C8B: variants seen among roughly 807,000 people sequenced by gnomAD.
C8B encodes the protein complement C8 beta chain, also known as complement component C8 beta chain.
In C8B, 67 loss-of-function variants were observed where a neutral mutation model predicts 64.6. That is an observed-to-expected ratio of 1.04 (90% confidence interval 0.85 to 1.27). C8B has a LOEUF of 1.27. C8B is among the 50% of genes most tolerant of loss of function. C8B has a pLI of 0.00. For synonymous variants in C8B, 284 were observed against 257.7 expected (o/e 1.10, Z -0.98); for missense variants, 790 against 725.2 (o/e 1.09, Z -1.03).
chr1:56,955,509 C>G (rs144833659), intron 3 of C8B, among the ~76,000 whole-genome samples: 6 of 152,262 alleles, frequency 3.9e-5, no homozygotes, highest in African/African-American at 1.4e-4. Flanking sequence ...GAGATAAAGC[C>G]CATAAGACAG....
chr1:56,931,142 G>A (rs1006328652), intron 11 of C8B, among the ~76,000 whole-genome samples: 1 of 152,204 alleles, frequency 6.6e-6, no homozygotes, highest in Non-Finnish European at 1.5e-5. Context: ...TCGCTGAAAG[G>A]AATAAAAGTG....
In C8B at chr1:56,942,838, A is replaced by T. The variant is rs139227037; in HGVS notation, c.1234+858T>A. Among the ~76,000 whole-genome samples the T allele has an allele frequency of 3.8e-3, 574 of 152,158 alleles. 3 individuals are homozygous for T. Among genetic ancestry groups the T allele is most frequent in the African/African-American group, 0.014 (561 of 41,526 alleles). On this transcript the variant is annotated intron_variant, in intron 8 of 11. Transcript: ENST00000371237. Reference sequence around the variant, plus strand: ...TAATTCCAGCACTTTGAGGGTACCGAGGCTTGTAGATGGCTTGAGCCCAAG... The same window carrying T: ...TAATTCCAGCACTTTGAGGGTACCGTGGCTTGTAGATGGCTTGAGCCCAAG...
intron 1 of C8B, among the ~76,000 whole-genome samples, chr1:56,963,543 A>G (rs1430925502): frequency 7.2e-6 from 1 of 139,098 alleles, no homozygotes; most frequent in Non-Finnish European, 1.5e-5. Context: ...GAGAAACAGC[A>G]CAGAGGCCAA....
At chr1:56,941,225 A>G (rs551790479) in intron 8 of C8B, among the ~76,000 whole-genome samples, 17 of 152,200 alleles carry the variant, frequency 1.1e-4, no homozygotes, top group Non-Finnish European at 2.5e-4. Flanking sequence ...TGAGGGCAGG[A>G]CAAGAAAAAG....
intron 11 of C8B, among the ~76,000 whole-genome samples, chr1:56,929,928 G>A (rs1370372916): frequency 6.6e-6 from 1 of 152,178 alleles, no homozygotes; most frequent in Admixed American, 6.5e-5. Flanking sequence ...TGAGCATTTT[G>A]TAGCAGTTGT....
In C8B at chr1:56,945,853, A is replaced by G; in HGVS notation, c.1073T>C (p.Leu358Pro). 1 of 1,614,076 alleles carries G rather than the reference A, an allele frequency of 6.2e-7. No homozygotes were observed. The highest frequency in any genetic ancestry group is 8.5e-7 in the Non-Finnish European group (1 of 1,179,994). ...AVLGGIYEYT[L>P]VMNKEAMERG... is the part of the protein sequence containing the mutation. ...CTCCATGGCCTCTTTGTTCATAACG[A>G]GGGTGTATTCATAAATGCCCCCAAG... The change falls in exon 7 of 12, where the codon CTC (leucine) becomes CCC (proline). Residue 358 changes from leucine (L) to proline (P), a missense_variant. Leu to Pro is a moderately conservative substitution (Grantham distance 98). Transcript: ENST00000371237.
chr1:56,929,621 G>T, intron 11 of C8B, 63 bp from the exon 12 acceptor site: 1 of 1,542,480 alleles, frequency 6.5e-7, no homozygotes, highest in East Asian at 2.3e-5. Context: ...CCTTACTGGG[G>T]TTGGGTGAGC....
chr1:56,944,527 A>G (rs1644913769), intron 7 of C8B, among the ~76,000 whole-genome samples: 1 of 152,194 alleles, frequency 6.6e-6, no homozygotes, highest in Non-Finnish European at 1.5e-5. Flanking sequence ...CATGAATCCC[A>G]TGAGATGGTA....
intron 10 of C8B, among the ~76,000 whole-genome samples, chr1:56,932,719 A>G (rs569802438): frequency 6.6e-6 from 1 of 152,270 alleles, no homozygotes; most frequent in African/African-American, 2.4e-5. Flanking sequence ...TCTGCCTGAG[A>G]ATACACCTTC....
chr1:56,933,259 G>A, intron 10 of C8B, 76 bp downstream of exon 10: 1 of 1,222,770 alleles, frequency 8.2e-7, no homozygotes, highest in Non-Finnish European at 1.2e-6. Flanking sequence ...GTAAACAGAA[G>A]CAGGCAAATG....
At chr1:56,934,833 A>G (rs550276876) in intron 9 of C8B, among the ~76,000 whole-genome samples, 3 of 152,292 alleles carry the variant, frequency 2.0e-5, no homozygotes, top group Admixed American at 6.5e-5. Flanking sequence ...AGCTTGCTTT[A>G]CACCAATGAA....
chr1:56,958,821 C>G (rs907593939), intron 2 of C8B, among the ~76,000 whole-genome samples: 2 of 152,202 alleles, frequency 1.3e-5, no homozygotes, highest in African/African-American at 2.4e-5. Flanking sequence ...TTGGCTCTCT[C>G]CATTGATCCA....
intron 9 of C8B, among the ~76,000 whole-genome samples, chr1:56,937,310 A>G (rs1644789179): frequency 6.6e-6 from 1 of 152,182 alleles, no homozygotes. Context: ...AGCCCCCATC[A>G]GCTGGATCTG....
At position 56,946,048 on chromosome 1, in the gene C8B, A is replaced by G. The variant is rs781075590; in HGVS notation, c.878T>C (p.Leu293Pro). The part of the protein sequence containing the change: ...KRFSHTKSVF[L>P]HARSDLEVAH... ...TACTTCAAGGTCAGAGCGTGCATGC[A>G]GAAATACGCTTTTCTAAATGAAATA... Residue 293 changes from leucine (L) to proline (P), a missense_variant, in exon 7 of 12, where the codon CTG becomes CCG. Physicochemically the swap from Leu to Pro is moderately conservative, Grantham distance 98. Coordinates refer to ENST00000371237, the MANE Select transcript of C8B (RefSeq NM_000066.4). The G allele has an allele frequency of 1.2e-5, 19 of 1,614,060 alleles. No homozygotes were observed. The highest frequency in any genetic ancestry group is 6.7e-5 in the African/African-American group (5 of 74,946).
intron 9 of C8B, among the ~76,000 whole-genome samples, chr1:56,939,594 G>T (rs1644821237): frequency 6.6e-6 from 1 of 152,162 alleles, no homozygotes; most frequent in South Asian, 2.1e-4. Flanking sequence ...TGGGCCCTGT[G>T]CAGAAGTCCC....
intron 8 of C8B, among the ~76,000 whole-genome samples, chr1:56,942,543 A>G (rs1221571594): frequency 6.6e-5 from 10 of 152,088 alleles, no homozygotes; most frequent in Non-Finnish European, 1.0e-4. Context: ...TGTCTCTACT[A>G]AAAATACAAA....
intron 6 of C8B, among the ~76,000 whole-genome samples, chr1:56,948,963 A>G (rs564969916): frequency 1.3e-5 from 2 of 152,284 alleles, no homozygotes; most frequent in African/African-American, 4.8e-5. Context: ...GAAAATAATT[A>G]GAGAAGGTTA....
intron 6 of C8B, among the ~76,000 whole-genome samples, chr1:56,948,570 G>C (rs904258587): frequency 1.3e-5 from 2 of 152,158 alleles, no homozygotes; most frequent in African/African-American, 4.8e-5. Context: ...TAGAAGCAGT[G>C]ATGAAGGCTC....
intron 3 of C8B, among the ~76,000 whole-genome samples, chr1:56,955,525 C>T (rs1645090250): frequency 6.6e-6 from 1 of 152,194 alleles, no homozygotes; most frequent in South Asian, 2.1e-4. Context: ...GACAGGTAGT[C>T]CTATTTCCTC....
Sources: allele counts gnomAD v4.1 joint callset (sites outside exome capture counted in the v4.1 genomes callset), GRCh38; gene constraint gnomAD v4.1.1; transcripts MANE v1.5; gene names NCBI Gene and HGNC (gene_info 2026-07-23, HGNC 2026-07-21).